CNBP: variants seen among roughly 807,000 people sequenced by gnomAD.
CNBP encodes cellular nucleic acid-binding protein.
A neutral mutation model predicts 21.2 loss-of-function variants in CNBP; 6 were observed. That is an observed-to-expected ratio of 0.28 (90% CI 0.16 to 0.56). CNBP has a LOEUF of 0.56. Among genes scored for constraint, CNBP ranks in the 20% least tolerant of loss-of-function variants. CNBP has a pLI of 0.93. For synonymous variants in CNBP, 61 were observed against 74.9 expected (o/e 0.81, Z 0.96); for missense variants, 112 against 233.1 (o/e 0.48, Z 3.38).
rs1359494541 is a variant in CNBP at position 129,179,200 on chromosome 3, C to T, written c.-15+4576G>A. ...GCTGAGGCAGGAGAATCGCTTGAAC[C>T]CGGGAGGCAGAGGTTGCGGTGAGCC... On this transcript the variant is annotated intron_variant, in intron 1 of 4. Coordinates refer to ENST00000422453, the MANE Select transcript of CNBP (RefSeq NM_003418.5). Among the ~76,000 whole-genome samples, 10 of 151,840 alleles carry T rather than the reference C, an allele frequency of 6.6e-5. 1 individual carries two copies. Among genetic ancestry groups the T allele is most frequent in the Non-Finnish European group, 1.0e-4 (7 of 67,972 alleles).
At chr3:129,181,370 C>G (rs991481801) in intron 1 of CNBP, among the ~76,000 whole-genome samples, 1 of 149,960 alleles carries the variant, frequency 6.7e-6, no homozygotes, top group African/African-American at 2.5e-5. Flanking sequence ...TAAGAAAAAC[C>G]TGGCCAGGCG....
intron 1 of CNBP, among the ~76,000 whole-genome samples, chr3:129,182,471 G>A (rs765257588): frequency 2.0e-5 from 3 of 152,036 alleles, no homozygotes; most frequent in Non-Finnish European, 4.4e-5. Context: ...TGGTTAACAT[G>A]TGGGAACAAG....
intron 4 of CNBP, 38 bp from the exon 5 acceptor site, chr3:129,170,608 G>C (rs1937550105): frequency 6.6e-7 from 1 of 1,516,776 alleles, no homozygotes; most frequent in African/African-American, 1.4e-5. Context: ...ATGGGCCTCA[G>C]AAAAAAACTG....
In CNBP at chr3:129,168,770, G is replaced by A. The variant is rs1008612965; in HGVS notation, c.*1683C>T. ...GAGGTCAGGAGTTGGAGACCAGCCCGACCAACATGATGAAACCCAGTCTCT... is the reference window on the plus strand; with the variant it reads ...GAGGTCAGGAGTTGGAGACCAGCCCAACCAACATGATGAAACCCAGTCTCT... On this transcript the variant is annotated 3_prime_UTR_variant, in exon 5 of 5. Coordinates refer to ENST00000422453, the MANE Select transcript of CNBP (RefSeq NM_003418.5). 2.6e-5 allele frequency among the ~76,000 whole-genome samples: 4 copies of A among 151,850 alleles called. No homozygotes were observed. The highest frequency in any genetic ancestry group is 1.3e-4 in the Admixed American group (2 of 15,226).
At position 129,170,362 on chromosome 3, in the gene CNBP, C is replaced by T; in HGVS notation, c.*91G>A. 1 of 1,127,040 alleles carries T rather than the reference C, an allele frequency of 8.9e-7. No individual in the cohort carries two copies. The highest frequency in any genetic ancestry group is 1.3e-6 in the Non-Finnish European group (1 of 743,306). The allele number at this position is 1,127,040 out of a possible 1,614,324, so 69.8% of individuals were successfully genotyped here. ...TAAAGCTCACTGGCCTGGGAGTTGC[C>T]TCTATCTGCCAACCTTTGGCCAGTG... On this transcript the variant is annotated 3_prime_UTR_variant, in exon 5 of 5. Transcript: ENST00000422453.
At chr3:129,178,238 T>G (rs1289312214) in intron 1 of CNBP, among the ~76,000 whole-genome samples, 3 of 150,932 alleles carry the variant, frequency 2.0e-5, no homozygotes. Context: ...AACTAAGAGG[T>G]GTAACTATTT....
chr3:129,171,334 C>A (rs147372949), intron 3 of CNBP, 57 bp from the exon 4 acceptor site: 1 of 1,606,004 alleles, frequency 6.2e-7, no homozygotes, highest in South Asian at 1.1e-5. Flanking sequence ...CAAAGTGTTA[C>A]GTTTTAAATT....
intron 1 of CNBP, among the ~76,000 whole-genome samples, chr3:129,178,800 T>C (rs1294572826): frequency 6.6e-6 from 1 of 151,714 alleles, no homozygotes; most frequent in Non-Finnish European, 1.5e-5. Flanking sequence ...TGGAGTGCAG[T>C]GGCACGATCT....
intron 1 of CNBP, among the ~76,000 whole-genome samples, chr3:129,181,631 CAG>C (rs1214422750): frequency 7.5e-5 from 4 of 53,310 alleles, no homozygotes; most frequent in African/African-American, 1.7e-4. Context: ...GCTTGGGCGA[CAG>C]AGTGAGACTC....
At chr3:129,183,581 G>A (rs1025003349) in intron 1 of CNBP, among the ~76,000 whole-genome samples, 195 bp downstream of exon 1, 11 of 152,260 alleles carry the variant, frequency 7.2e-5, no homozygotes, top group African/African-American at 2.7e-4. Flanking sequence ...GGACAGAAGT[G>A]TCGTCCGACA....
intron 1 of CNBP, among the ~76,000 whole-genome samples, chr3:129,183,057 T>C (rs899450653): frequency 2.6e-5 from 4 of 151,982 alleles, no homozygotes; most frequent in African/African-American, 9.7e-5. Flanking sequence ...GTTCACGCGA[T>C]TCTCCTGTCC....
intron 3 of CNBP, 59 bp downstream of exon 3, chr3:129,171,387 G>T: frequency 6.3e-7 from 1 of 1,585,202 alleles, no homozygotes; most frequent in South Asian, 1.1e-5. Flanking sequence ...ATACACAGTT[G>T]CATGTGCTCA....
intron 1 of CNBP, among the ~76,000 whole-genome samples, chr3:129,176,562 C>A (rs945699007): frequency 6.6e-6 from 1 of 152,118 alleles, no homozygotes; most frequent in African/African-American, 2.4e-5. Context: ...ACTAACTGAC[C>A]CAATCCAATC....
chr3:129,183,033 C>T (rs1938420306), intron 1 of CNBP, among the ~76,000 whole-genome samples: 1 of 152,092 alleles, frequency 6.6e-6, no homozygotes, highest in South Asian at 2.1e-4. Flanking sequence ...CTCACCACAA[C>T]CTCGGCCTCC....
rs1375730419 is a variant in CNBP, at chr3:129,168,638, A to G, written c.*1815T>C. Among the ~76,000 whole-genome samples, 1 of 149,720 alleles carries G rather than the reference A, an allele frequency of 6.7e-6. No homozygotes were observed. The highest frequency in any genetic ancestry group is 1.5e-5 in the Non-Finnish European group (1 of 67,506). On this transcript the variant is annotated 3_prime_UTR_variant, in exon 5 of 5. Coordinates refer to ENST00000422453, the MANE Select transcript of CNBP (RefSeq NM_003418.5). ...AAAAAAAAAAAAAAAAAGGCCCAGG[A>G]AAAACACAAAAATAGCAATGGTATT...
chr3:129,170,570 C>A lies in CNBP; in HGVS notation c.417G>T (p.Arg139Ser), dbSNP rs765909838. The stretch of plus-strand genomic sequence containing the variant: ...TGGCTACATGACCAGTTTCACCACA[C>A]CTAAAAAAGAAATTAAAAGTTTTCA... ...QKDCTKVKCY[R>S]CGETGHVAIN... Residue 139 changes from arginine (R) to serine (S), a missense_variant and splice_region_variant, in exon 5 of 5, where the codon AGG (arginine) becomes AGT (serine). Arg to Ser is a moderately radical substitution (Grantham distance 110). Coordinates refer to ENST00000422453, the MANE Select transcript of CNBP (RefSeq NM_003418.5). The A allele has an allele frequency of 6.2e-7, 1 of 1,613,140 alleles. No individual in the cohort carries two copies.
At chr3:129,178,948 G>C (rs927461190) in intron 1 of CNBP, among the ~76,000 whole-genome samples, 2 of 151,968 alleles carry the variant, frequency 1.3e-5, no homozygotes, top group African/African-American at 4.8e-5. Context: ...GGGTTTCACC[G>C]TGTTAGCCAG....
intron 1 of CNBP, among the ~76,000 whole-genome samples, chr3:129,174,679 C>T (rs1212448422): frequency 1.4e-5 from 2 of 143,726 alleles, no homozygotes; most frequent in Non-Finnish European, 3.0e-5. Context: ...AAAAAAAAGG[C>T]ATATAAAATG....
intron 1 of CNBP, among the ~76,000 whole-genome samples, chr3:129,182,034 G>T (rs1938335318): frequency 6.6e-6 from 1 of 152,028 alleles, no homozygotes; most frequent in African/African-American, 2.4e-5. Flanking sequence ...TATTTAGGAG[G>T]GGGGAGGGGG....
Sources: gnomAD v4.1 joint callset for allele counts (sites outside exome capture counted in the v4.1 genomes callset) on GRCh38, gnomAD v4.1.1 for gene constraint, MANE v1.5 for transcripts, NCBI Gene and HGNC (gene_info 2026-07-23, HGNC 2026-07-21) for gene names.